INPP5A: variants seen among roughly 807,000 people sequenced by gnomAD.
INPP5A encodes the protein 43 kDa inositol polyphosphate 5-phophatase.
INPP5A carries 14 observed loss-of-function variants against 65.2 expected under a neutral mutation model. That is an observed-to-expected ratio of 0.21 (90% CI 0.14 to 0.34). The LOEUF is 0.34. Among genes scored for constraint, INPP5A ranks in the 10% least tolerant of loss-of-function variants. INPP5A has a pLI of 1.00. For missense variants in INPP5A, 431 were observed against 545.6 expected (o/e 0.79, Z 2.09); for synonymous variants, 207 against 208.3 (o/e 0.99, Z 0.05).
intron 2 of INPP5A, among the ~76,000 whole-genome samples, chr10:132,613,156 G>C (rs1445888818): frequency 6.6e-6 from 1 of 152,080 alleles, no homozygotes; most frequent in Non-Finnish European, 1.5e-5. Flanking sequence ...CAGTTACTGT[G>C]AGCGTTGATA....
At chr10:132,686,587 C>A (rs899801192) in intron 4 of INPP5A, among the ~76,000 whole-genome samples, 20 of 152,194 alleles carry the variant, frequency 1.3e-4, no homozygotes, top group Non-Finnish European at 2.9e-5. Flanking sequence ...TTGGGTCGAA[C>A]TTTGACTTTA....
At chr10:132,655,932 T>C (rs2072651570) in intron 4 of INPP5A, among the ~76,000 whole-genome samples, 1 of 152,228 alleles carries the variant, frequency 6.6e-6, no homozygotes, top group African/African-American at 2.4e-5. Context: ...TCTAGTCCCA[T>C]TGAAGCCTTG....
chr10:132,665,045 C>T (rs985572273), intron 4 of INPP5A, among the ~76,000 whole-genome samples: 1 of 152,240 alleles, frequency 6.6e-6, no homozygotes, highest in East Asian at 1.9e-4. Flanking sequence ...CAGCGCCCCG[C>T]CTGTGCAGGG....
chr10:132,586,396 C>CTCACA (rs2071544965), intron 1 of INPP5A, among the ~76,000 whole-genome samples: 1 of 152,258 alleles, frequency 6.6e-6, no homozygotes, highest in African/African-American at 2.4e-5. Flanking sequence ...TCCCTAGGGG[C>CTCACA]TCACAGCTCC....
intron 2 of INPP5A, among the ~76,000 whole-genome samples, chr10:132,620,545 G>A (rs1332918159): frequency 6.6e-6 from 1 of 152,114 alleles, no homozygotes; most frequent in Non-Finnish European, 1.5e-5. Flanking sequence ...GATCTCTAGA[G>A]CATAAACAGA....
In INPP5A at chr10:132,603,811, C is replaced by T. The variant is rs1325098126; in HGVS notation, c.76-4104C>T. Reference sequence around the variant, plus strand: ...CACCTTTCCCTGCCTCCGTTTTCAGCCCTTGGTTCTGTACTGTGTGGACAT... The same window carrying T: ...CACCTTTCCCTGCCTCCGTTTTCAGTCCTTGGTTCTGTACTGTGTGGACAT... On this transcript the variant is annotated intron_variant, in intron 1 of 15. Coordinates refer to ENST00000368594, the MANE Select transcript of INPP5A (RefSeq NM_005539.5). The surrounding 1 kb of genome is among the most constrained non-coding windows in gnomAD (Gnocchi z 4.2). Among the ~76,000 whole-genome samples the T allele has an allele frequency of 6.6e-6, 1 of 152,120 alleles. No individual in the cohort carries two copies. Among genetic ancestry groups the T allele is most frequent in the Non-Finnish European group, 1.5e-5 (1 of 68,018 alleles).
rs954045544 is a variant in INPP5A, at chr10:132,727,122, G to T, written c.732+217G>T. 1.9e-5 allele frequency: 8 copies of T among 424,606 alleles called. No homozygotes were observed. The highest frequency in any genetic ancestry group is 6.1e-5 in the African/African-American group (3 of 49,564). 26.3% of individuals were successfully genotyped at this position (424,606 alleles called of 1,614,324 possible). On this transcript the variant is annotated intron_variant, in intron 9 of 15. Transcript: ENST00000368594. This position sits in a 1 kb window ranked among gnomAD's most constrained non-coding sequence, Gnocchi z 6.5. ...TGCGCGGGCCCTCAAGGTTGCCCCG[G>T]ATGGCGGGTGACAGTGCTGTGGGGC...
chr10:132,579,360 T>C (rs1389797861), intron 1 of INPP5A, among the ~76,000 whole-genome samples: 1 of 151,984 alleles, frequency 6.6e-6, no homozygotes, highest in Non-Finnish European at 1.5e-5. Context: ...ATGAACTCCG[T>C]TTTCCTCCTT....
At chr10:132,770,599 C>T (rs1444179096) in intron 12 of INPP5A, among the ~76,000 whole-genome samples, 1 of 152,278 alleles carries the variant, frequency 6.6e-6, no homozygotes, top group Admixed American at 6.5e-5. Flanking sequence ...GGCCACTTCC[C>T]TCTTCCAGCT....
At chr10:132,696,950 C>G (rs1400174051) in intron 5 of INPP5A, among the ~76,000 whole-genome samples, 2 of 152,210 alleles carry the variant, frequency 1.3e-5, no homozygotes, top group Non-Finnish European at 2.9e-5. Flanking sequence ...CAGGTTGCCC[C>G]CTCTGTTCCT....
chr10:132,653,373 C>A (rs1240689007), intron 4 of INPP5A, among the ~76,000 whole-genome samples: 1 of 152,152 alleles, frequency 6.6e-6, no homozygotes, highest in Non-Finnish European at 1.5e-5. Context: ...TCCGGAGCGG[C>A]CTGTGCTTAA....
chr10:132,657,631 T>C (rs886327314), intron 4 of INPP5A, among the ~76,000 whole-genome samples: 4 of 152,240 alleles, frequency 2.6e-5, no homozygotes, highest in Non-Finnish European at 5.9e-5. Flanking sequence ...GCCCTTCTGC[T>C]TTCCCTCCTC....
At position 132,693,083 on chromosome 10, in the gene INPP5A, GTAT is replaced by G. The variant is rs529253884; in HGVS notation, c.370+2633_370+2635del. 4.1e-3 allele frequency among the ~76,000 whole-genome samples: 623 copies of G among 152,266 alleles called. 1 individual carries two copies. The highest frequency in any genetic ancestry group is 6.7e-3 in the Non-Finnish European group (455 of 68,026). On this transcript the variant is annotated intron_variant, in intron 5 of 15. Transcript: ENST00000368594. ...CTGTACTATCGTTTTAAGGAATATA[GTAT>G]TATTTAAAAGTGGACATGGATTAGT...
intron 1 of INPP5A, among the ~76,000 whole-genome samples, chr10:132,552,716 T>G (rs1187447542): frequency 7.2e-6 from 1 of 139,290 alleles, no homozygotes; most frequent in Non-Finnish European, 1.6e-5. Context: ...AGAGCCTTGG[T>G]GGCATATTGG....
At chr10:132,607,146 C>A (rs1323776004) in intron 1 of INPP5A, among the ~76,000 whole-genome samples, 1 of 152,224 alleles carries the variant, frequency 6.6e-6, no homozygotes, top group African/African-American at 2.4e-5. Flanking sequence ...CCAGGAGCAG[C>A]CAGGTGGCCT....
At chr10:132,738,036 A>G (rs568331005) in intron 9 of INPP5A, among the ~76,000 whole-genome samples, 30 of 152,112 alleles carry the variant, frequency 2.0e-4, no homozygotes, top group Non-Finnish European at 3.8e-4. Context: ...GACGCTTGGC[A>G]TTTTCTCTGG....
At chr10:132,604,424 G>C (rs1022294908) in intron 1 of INPP5A, among the ~76,000 whole-genome samples, 1 of 152,164 alleles carries the variant, frequency 6.6e-6, no homozygotes, top group Non-Finnish European at 1.5e-5. Context: ...TGACTGCTAC[G>C]CTCAGGAGCG....
chr10:132,760,106 C>T (rs767631521), intron 11 of INPP5A, among the ~76,000 whole-genome samples: 10 of 152,222 alleles, frequency 6.6e-5, no homozygotes, highest in Non-Finnish European at 1.2e-4. Context: ...GAATTCATGT[C>T]GGCCAAGAGC....
chr10:132,554,799 G>A (rs1013081003), intron 1 of INPP5A, among the ~76,000 whole-genome samples: 2 of 151,706 alleles, frequency 1.3e-5, no homozygotes, highest in Non-Finnish European at 2.9e-5. Context: ...TGGTCCCTGT[G>A]GGTAGTATGG....
Sources: allele counts gnomAD v4.1 joint callset (sites outside exome capture counted in the v4.1 genomes callset), GRCh38; gene constraint gnomAD v4.1.1; non-coding constraint Gnocchi (gnomAD v3.1); transcripts MANE v1.5; gene names NCBI Gene and HGNC (gene_info 2026-07-23, HGNC 2026-07-21).